SLC24A2: variants seen among roughly 807,000 people sequenced by gnomAD.
SLC24A2 encodes the protein sodium/potassium/calcium exchanger 2.
In SLC24A2, 36 loss-of-function variants were observed where a neutral mutation model predicts 62.0. The ratio of observed to expected loss-of-function variants is 0.58; its 90% CI spans 0.44 to 0.77. The LOEUF (loss-of-function observed/expected upper bound fraction) is 0.77, where lower values mean the gene tolerates loss of function less well. Among genes scored for constraint, SLC24A2 ranks in the 30% least tolerant of loss-of-function variants. The pLI, the probability that SLC24A2 is intolerant of heterozygous loss-of-function variation, is 0.00. For synonymous variants in SLC24A2, 358 were observed against 294.0 expected (o/e 1.22, Z -2.23); for missense variants, 846 against 817.9 (o/e 1.03, Z -0.42).
At chr9:20,070,406 G>A in the SLC24A2 span, among the ~76,000 whole-genome samples, 1 of 152,190 alleles carries the variant, frequency 6.6e-6, no homozygotes, top group African/African-American at 2.4e-5. Flanking sequence ...TCTTATCATT[G>A]TAAAAATAAG....
At chr9:19,833,645 TG>T in the SLC24A2 span, among the ~76,000 whole-genome samples, 67 of 152,310 alleles carry the variant, frequency 4.4e-4, no homozygotes, top group African/African-American at 1.5e-3. Flanking sequence ...GCTCCACCTC[TG>T]GGGGCACAGC....
chr9:20,240,444 C>T, the SLC24A2 span, among the ~76,000 whole-genome samples: 1 of 152,126 alleles, frequency 6.6e-6, no homozygotes, highest in Non-Finnish European at 1.5e-5. Flanking sequence ...CTCTCAATTT[C>T]AGTCTCATTC....
chr9:20,195,532 T>G, the SLC24A2 span, among the ~76,000 whole-genome samples: 1 of 152,216 alleles, frequency 6.6e-6, no homozygotes, highest in Non-Finnish European at 1.5e-5. Flanking sequence ...ATTGGTTGTC[T>G]GCCTTTTTCT....
chr9:20,211,859 G>C, the SLC24A2 span, among the ~76,000 whole-genome samples: 1 of 151,956 alleles, frequency 6.6e-6, no homozygotes, highest in African/African-American at 2.4e-5. Context: ...TAATTAAAGA[G>C]GTATTGGTCA....
the SLC24A2 span, among the ~76,000 whole-genome samples, chr9:20,033,339 A>G: frequency 0.015 from 2,229 of 152,310 alleles, 95 homozygotes; most frequent in Admixed American, 0.097. Flanking sequence ...TCCACCACAG[A>G]TAAGTGGAGA....
At chr9:19,523,314 G>GGAA (rs1833284731) in intron 9 of SLC24A2, among the ~76,000 whole-genome samples, 3 of 152,194 alleles carry the variant, frequency 2.0e-5, no homozygotes, top group Non-Finnish European at 4.4e-5. Context: ...GTGCAAGTTA[G>GGAA]ACAACTTCCC....
At chr9:19,630,481 C>G (rs532585579) in intron 2 of SLC24A2, among the ~76,000 whole-genome samples, 1 of 151,784 alleles carries the variant, frequency 6.6e-6, no homozygotes, top group Admixed American at 6.6e-5. Flanking sequence ...GAACAAAACC[C>G]CACAATTTGA....
At chr9:20,022,531 C>G in the SLC24A2 span, among the ~76,000 whole-genome samples, 135 of 152,314 alleles carry the variant, frequency 8.9e-4, 1 homozygote, top group African/African-American at 3.2e-3. Context: ...TACCCCCTCC[C>G]TGTTGCAATT....
the SLC24A2 span, among the ~76,000 whole-genome samples, chr9:20,186,378 G>A: frequency 6.6e-6 from 1 of 151,822 alleles, no homozygotes; most frequent in African/African-American, 2.4e-5. Context: ...TTCTAACCGG[G>A]GCCCTACTTA....
At chr9:20,093,323 C>T in the SLC24A2 span, among the ~76,000 whole-genome samples, 2 of 151,986 alleles carry the variant, frequency 1.3e-5, no homozygotes, top group South Asian at 2.1e-4. Flanking sequence ...CCACCCGCCT[C>T]GGCCTCCCAA....
Position 19,511,465 on chromosome 9 carries a change from T to C in SLC24A2, c.*4688A>G, listed in dbSNP as rs1188142235. 2 of 152,218 alleles carry C rather than the reference T, an allele frequency of 1.3e-5. No individual in the cohort carries two copies. The highest frequency in any genetic ancestry group is 6.5e-5 in the Admixed American group (1 of 15,272). The allele number at this position is 152,218 out of a possible 1,614,324, so 9.4% of individuals were successfully genotyped here. On this transcript the variant is annotated 3_prime_UTR_variant, in exon 11 of 11. Coordinates refer to ENST00000341998, the MANE Select transcript of SLC24A2 (RefSeq NM_020344.4). Reference sequence around the variant, plus strand: ...ATATTTGTTACTGTTTTAAACTACATAGGGATATATTTCCACGTGACACTT... The same window carrying C: ...ATATTTGTTACTGTTTTAAACTACACAGGGATATATTTCCACGTGACACTT...
intron 2 of SLC24A2, among the ~76,000 whole-genome samples, chr9:19,690,087 G>T (rs1471107237): frequency 6.6e-6 from 1 of 152,104 alleles, no homozygotes; most frequent in African/African-American, 2.4e-5. Context: ...GCCAGATCAT[G>T]TGATTTCTCA....
chr9:20,039,843 T>C, the SLC24A2 span, among the ~76,000 whole-genome samples: 27 of 152,302 alleles, frequency 1.8e-4, no homozygotes, highest in Non-Finnish European at 2.9e-5. Context: ...GGATACCAGA[T>C]ATGAGGATGC....
intron 2 of SLC24A2, among the ~76,000 whole-genome samples, chr9:19,758,732 G>T (rs528038303): frequency 2.0e-5 from 3 of 152,212 alleles, no homozygotes; most frequent in East Asian, 3.9e-4. Context: ...GGATTGGTTT[G>T]TTTTTAATAA....
chr9:20,282,790 TTTC>T, the SLC24A2 span, among the ~76,000 whole-genome samples: 1 of 152,210 alleles, frequency 6.6e-6, no homozygotes, highest in Non-Finnish European at 1.5e-5. Flanking sequence ...CTGCATACTT[TTTC>T]ATCAGTTAAT....
the SLC24A2 span, among the ~76,000 whole-genome samples, chr9:20,205,241 G>T: frequency 6.6e-6 from 1 of 151,998 alleles, no homozygotes. Flanking sequence ...AAGCATGATG[G>T]GTTTTTTTTC....
chr9:19,968,253 A>T, the SLC24A2 span, among the ~76,000 whole-genome samples: 1 of 152,166 alleles, frequency 6.6e-6, no homozygotes, highest in African/African-American at 2.4e-5. Flanking sequence ...GCCCACAGGG[A>T]CCCACATGGG....
At chr9:20,279,376 C>T in the SLC24A2 span, among the ~76,000 whole-genome samples, 3 of 152,138 alleles carry the variant, frequency 2.0e-5, no homozygotes, top group South Asian at 4.2e-4. Flanking sequence ...ACTAAAAACA[C>T]AAAAATTAGC....
intron 2 of SLC24A2, among the ~76,000 whole-genome samples, chr9:19,648,949 T>C (rs1818720540): frequency 1.3e-5 from 2 of 149,798 alleles, no homozygotes; most frequent in African/African-American, 4.9e-5. Context: ...CCTAAAGATA[T>C]TTATTCCAAA....
Sources: gnomAD v4.1 joint callset for allele counts (sites outside exome capture counted in the v4.1 genomes callset) on GRCh38, gnomAD v4.1.1 for gene constraint, MANE v1.5 for transcripts, NCBI Gene and HGNC (gene_info 2026-07-23, HGNC 2026-07-21) for gene names.